Variants in IGFBP7 observed in about 807,000 individuals in gnomAD.
The protein encoded by IGFBP7 is insulin like growth factor binding protein 7.
Under a neutral mutation model 29.4 loss-of-function variants are expected in IGFBP7, and 31 were observed. The observed-to-expected ratio is 1.05, with a 90% CI of 0.79 to 1.42. IGFBP7 has a LOEUF of 1.42. IGFBP7 is among the 40% of genes most tolerant of loss of function. The pLI is 0.00. For synonymous variants in IGFBP7, 172 were observed against 174.9 expected, an observed-to-expected ratio of 0.98 and a Z score of 0.13; for missense variants, 393 against 395.5, an observed-to-expected ratio of 0.99 and a Z score of 0.05.
At chr4:57,079,347 A>G (rs569124054) in intron 1 of IGFBP7, among the ~76,000 whole-genome samples, 1 of 152,188 alleles carries the variant, frequency 6.6e-6, no homozygotes, top group East Asian at 1.9e-4. Flanking sequence ...CCACCTTTCA[A>G]CACTGCTGGC....
chr4:57,098,176 C>T (rs189784467), intron 1 of IGFBP7, among the ~76,000 whole-genome samples: 25 of 152,192 alleles, frequency 1.6e-4, no homozygotes, highest in African/African-American at 3.9e-4. Context: ...CTTGGGAGAA[C>T]GTCAGGTGGC....
chr4:57,064,223 A>G (rs1054668875), intron 1 of IGFBP7, among the ~76,000 whole-genome samples: 4 of 152,194 alleles, frequency 2.6e-5, no homozygotes, highest in African/African-American at 9.6e-5. Context: ...GTGTGAAGGC[A>G]TGTGCCTGTG....
intron 1 of IGFBP7, among the ~76,000 whole-genome samples, chr4:57,047,231 T>C (rs1724385230): frequency 6.6e-6 from 1 of 152,156 alleles, no homozygotes; most frequent in Admixed American, 6.5e-5. Context: ...CTAAGTCTCA[T>C]GAGATCTGAT....
rs371730084 is a variant in IGFBP7, at chr4:57,030,870, G to A, written c.*447C>T. On this transcript the variant is annotated 3_prime_UTR_variant, in exon 5 of 5. Transcript: ENST00000295666. ...AGTGGGGTCACTTCAATACAATTCT[G>A]CTAATTACCATTTGTTTTTTCTTTT... 13 of 1,344,276 alleles carry A rather than the reference G, an allele frequency of 9.7e-6. No homozygotes were observed. The highest frequency in any genetic ancestry group is 7.1e-5 in the African/African-American group (5 of 69,954). 83.3% of individuals were successfully genotyped at this position (1,344,276 alleles called of 1,614,324 possible). A position where few individuals can be genotyped will look rare whatever the true frequency, so the allele number is the denominator to read the frequency against.
intron 2 of IGFBP7, among the ~76,000 whole-genome samples, chr4:57,034,550 G>A (rs184031186): frequency 1.2e-3 from 177 of 151,646 alleles, no homozygotes; most frequent in African/African-American, 4.1e-3. Context: ...TATAGACACC[G>A]TATGTATAAA....
rs149152634 is a variant in IGFBP7 at position 57,059,892 on chromosome 4, T to C, written c.476-18959A>G. Among the ~76,000 whole-genome samples, 263 of 152,354 alleles carry C rather than the reference T, an allele frequency of 1.7e-3. 1 individual carries two copies. Among genetic ancestry groups the C allele is most frequent in the African/African-American group, 5.3e-3 (220 of 41,584 alleles). On this transcript the variant is annotated intron_variant, in intron 1 of 4. Transcript: ENST00000295666. ...TTAATTCCTTAAGGGGAAATTCCTA[T>C]GGAAAATGGTTTAAAAGGTGAGAAA...
At chr4:57,092,013 T>C (rs886954894) in intron 1 of IGFBP7, among the ~76,000 whole-genome samples, 11 of 152,196 alleles carry the variant, frequency 7.2e-5, no homozygotes, top group African/African-American at 2.2e-4. Context: ...TTTAAAGAGC[T>C]GCTGAGATTC....
chr4:57,053,511 G>A (rs946941604), intron 1 of IGFBP7, among the ~76,000 whole-genome samples: 1 of 152,194 alleles, frequency 6.6e-6, no homozygotes, highest in Non-Finnish European at 1.5e-5. Flanking sequence ...TTGAAACCAT[G>A]TTCAGGTGTG....
chr4:57,105,252 C>T (rs1218064390), intron 1 of IGFBP7, among the ~76,000 whole-genome samples: 1 of 152,216 alleles, frequency 6.6e-6, no homozygotes, highest in Non-Finnish European at 1.5e-5. Context: ...CCGATGTACA[C>T]CCTTCACAGC....
At chr4:57,098,810 G>A (rs979074931) in intron 1 of IGFBP7, among the ~76,000 whole-genome samples, 2 of 152,156 alleles carry the variant, frequency 1.3e-5, no homozygotes, top group Admixed American at 6.5e-5. Context: ...GAAGCCAGGG[G>A]TGCAGTGTAA....
intron 1 of IGFBP7, among the ~76,000 whole-genome samples, chr4:57,098,729 C>A (rs1725824494): frequency 6.6e-6 from 1 of 152,246 alleles, no homozygotes; most frequent in South Asian, 2.1e-4. Context: ...TTCTCTCACT[C>A]AGAGAGCACT....
At chr4:57,053,303 C>T (rs1304362702) in intron 1 of IGFBP7, among the ~76,000 whole-genome samples, 1 of 152,096 alleles carries the variant, frequency 6.6e-6, no homozygotes, top group Non-Finnish European at 1.5e-5. Flanking sequence ...AGGCGTGAGC[C>T]ACCGCACCTG....
Position 57,110,120 on chromosome 4 carries a change from T to G in IGFBP7, c.232A>C (p.Arg78=). The change falls in exon 1 of 5, where the codon AGG becomes CGG. Residue 78 remains arginine, a synonymous_variant. Coordinates refer to ENST00000295666, the MANE Select transcript of IGFBP7 (RefSeq NM_001553.3). ...GEPCGGGGAG[R]GYCAPGMECV... ...TCCATGCCCGGCGCGCAGTACCCCC[T>G]GCCGGCGCCGCCACCCCCGCACGGC... 6.6e-7 allele frequency: 1 copy of G among 1,512,572 alleles called. No individual in the cohort carries two copies. The highest frequency in any genetic ancestry group is 8.8e-7 in the Non-Finnish European group (1 of 1,137,352). The allele number at this position is 1,512,572 out of a possible 1,614,324, so 93.7% of individuals were successfully genotyped here.
At chr4:57,056,390 G>A (rs1359783949) in intron 1 of IGFBP7, among the ~76,000 whole-genome samples, 1 of 152,064 alleles carries the variant, frequency 6.6e-6, no homozygotes, top group Non-Finnish European at 1.5e-5. Flanking sequence ...TGTGTCTTGG[G>A]TACTTAGGAT....
At chr4:57,061,364 T>C (rs1161750681) in intron 1 of IGFBP7, among the ~76,000 whole-genome samples, 7 of 152,188 alleles carry the variant, frequency 4.6e-5, no homozygotes, top group African/African-American at 1.7e-4. Context: ...TTTTGTAAAT[T>C]AGGCACGGTA....
At chr4:57,040,738 G>T (rs1724200674) in intron 2 of IGFBP7, 86 bp downstream of exon 2, 3 of 981,066 alleles carry the variant, frequency 3.1e-6, no homozygotes, top group Non-Finnish European at 4.8e-6. Flanking sequence ...AACAAAGCAG[G>T]CTGAGGATTT....
At chr4:57,103,660 CT>C (rs59173874) in intron 1 of IGFBP7, among the ~76,000 whole-genome samples, 8 of 86,502 alleles carry the variant, frequency 9.2e-5, no homozygotes, top group African/African-American at 3.6e-4. Flanking sequence ...TTTTTCTTTT[CT>C]TTTTTTTTTT....
chr4:57,047,204 T>C (rs1724384508), intron 1 of IGFBP7, among the ~76,000 whole-genome samples: 1 of 152,228 alleles, frequency 6.6e-6, no homozygotes, highest in African/African-American at 2.4e-5. Flanking sequence ...TTTCCTGTGC[T>C]GTTCTCGTAA....
At chr4:57,056,533 A>C (rs1713960) in intron 1 of IGFBP7, among the ~76,000 whole-genome samples, 1 of 152,098 alleles carries the variant, frequency 6.6e-6, no homozygotes, top group Non-Finnish European at 1.5e-5. Flanking sequence ...GTGAGGCTCA[A>C]AAGTGCCAAA....
Sources: allele counts gnomAD v4.1 joint callset (sites outside exome capture counted in the v4.1 genomes callset), GRCh38; gene constraint gnomAD v4.1.1; transcripts MANE v1.5; gene names NCBI Gene and HGNC (gene_info 2026-07-23, HGNC 2026-07-21).